The following COL17A1 variants were observed in gnomAD, a reference collection of about 807,000 sequenced individuals.
COL17A1 encodes the protein collagen type XVII alpha 1 chain, also known as collagen alpha-1(XVII) chain.
A neutral mutation model predicts 218.4 loss-of-function variants in COL17A1; 181 were observed. The observed-to-expected ratio is 0.83, with a 90% CI of 0.73 to 0.94. The LOEUF is 0.94. COL17A1 is among the 40% of genes least tolerant of loss of function. The pLI, the probability that COL17A1 is intolerant of heterozygous loss-of-function variation, is 0.00. For missense variants in COL17A1, 1,924 were observed against 1,945.9 expected (o/e 0.99, Z 0.21); for synonymous variants, 721 against 731.0 (o/e 0.99, Z 0.22).
In COL17A1 at chr10:104,031,959, A is replaced by G; in HGVS notation, c.*276T>C. On this transcript the variant is annotated 3_prime_UTR_variant, in exon 56 of 56. Coordinates refer to ENST00000648076, the MANE Select transcript of COL17A1 (RefSeq NM_000494.4). ...GGGCTTGAACTAAGTAAAGAAGCCA[A>G]GGAGTTCAGATCTAGATAGCAGAGA... is the stretch of plus-strand genomic sequence containing the variant. The G allele has an allele frequency of 1.9e-6, 1 of 529,216 alleles. No individual in the cohort carries two copies. Among genetic ancestry groups the G allele is most frequent in the Non-Finnish European group, 3.4e-6 (1 of 294,952 alleles). 32.8% of individuals were successfully genotyped at this position (529,216 alleles called of 1,614,324 possible).
chr10:104,063,813 C>A lies in COL17A1; in HGVS notation c.772G>T (p.Gly258Ter). The part of the protein sequence containing the change: ...TNAYSAGSVF[G>*]VPNNMASCSP... The stretch of plus-strand genomic sequence containing the variant: ...CAGGACGCCATGTTGTTTGGAACTC[C>A]GAAGACTGCAGGGGCAAGGAGGAAG... The change falls in exon 11 of 56, where the codon GGA becomes TGA. Residue 258 changes from glycine to a stop codon, truncating the protein, a stop_gained. Coordinates refer to ENST00000648076, the MANE Select transcript of COL17A1 (RefSeq NM_000494.4). LOFTEE classifies it high-confidence loss of function. The A allele has an allele frequency of 6.2e-7, 1 of 1,614,108 alleles. No homozygotes were observed. The highest frequency in any genetic ancestry group is 8.5e-7 in the Non-Finnish European group (1 of 1,180,000).
In COL17A1 at chr10:104,039,087, A is replaced by G; in HGVS notation, c.2931T>C (p.Pro977=). 2 of 1,614,178 alleles carry G rather than the reference A, an allele frequency of 1.2e-6. No individual in the cohort carries two copies. Among genetic ancestry groups the G allele is most frequent in the Non-Finnish European group, 1.7e-6 (2 of 1,180,008 alleles). The change falls in exon 44 of 56, where the codon CCT becomes CCC. Residue 977 remains proline (P), a synonymous_variant. Coordinates refer to ENST00000648076, the MANE Select transcript of COL17A1 (RefSeq NM_000494.4). ...AGTTCTTACCTTCAGAAGGACCACT[A>G]GGAATGCCAAGAGCCCCTGGAACAC... The part of the protein sequence containing the change: ...DPGVPGALGI[P]SGPSEGGSSS...
At chr10:104,039,766 C>CCACA (rs60283710) in intron 41 of COL17A1, 126 bp from the exon 42 acceptor site, 326 of 972,044 alleles carry the variant, frequency 3.4e-4, no homozygotes, top group African/African-American at 6.5e-4. Context: ...CCTAGAGATG[C>CCACA]CACACACACA....
intron 5 of COL17A1, among the ~76,000 whole-genome samples, chr10:104,075,977 A>G (rs1326485705): frequency 6.6e-6 from 1 of 152,254 alleles, no homozygotes; most frequent in Non-Finnish European, 1.5e-5. Flanking sequence ...TAACTTGTCT[A>G]TTAGACTACA....
At chr10:104,043,640 GA>G (rs961991912) in intron 34 of COL17A1, 59 bp from the exon 35 acceptor site, 27 of 1,590,690 alleles carry the variant, frequency 1.7e-5, no homozygotes, top group Non-Finnish European at 2.2e-5. Context: ...GAGGCGCTGG[GA>G]CCCAAGCCAG....
At chr10:104,061,573 G>A in intron 12 of COL17A1, 100 bp from the exon 13 acceptor site, 1 of 924,668 alleles carries the variant, frequency 1.1e-6, no homozygotes, top group Non-Finnish European at 1.7e-6. Context: ...ACCCTCTCCA[G>A]TGAGAAGCAG....
Position 104,055,871 on chromosome 10 carries a change from G to C in COL17A1, c.1598C>G (p.Ala533Gly). 6.2e-7 allele frequency: 1 copy of C among 1,614,178 alleles called. No individual in the cohort carries two copies. The highest frequency in any genetic ancestry group is 8.5e-7 in the Non-Finnish European group (1 of 1,180,036). ...RLQGMAPAAG[A>G]DLDKIGLHSD... ...GTGCAGCCCAATTTTGTCCAGGTCT[G>C]CTCCCGCCGCGGGTGCCATGCCCTG... is the stretch of plus-strand genomic sequence containing the variant. The change falls in exon 18 of 56, where the codon GCA (alanine) becomes GGA (glycine). Residue 533 changes from alanine (A) to glycine (G), a missense_variant. Physicochemically the swap from Ala to Gly is moderately conservative, Grantham distance 60. Transcript: ENST00000648076.
At chr10:104,063,063 G>C (rs951983621) in intron 11 of COL17A1, among the ~76,000 whole-genome samples, 1 of 152,198 alleles carries the variant, frequency 6.6e-6, no homozygotes, top group South Asian at 2.1e-4. Context: ...TCAACTGGAG[G>C]AAGGTGCTGA....
At chr10:104,036,706 G>A (rs759134466) in intron 47 of COL17A1, 74 bp from the exon 48 acceptor site, 368 of 1,567,720 alleles carry the variant, frequency 2.3e-4, no homozygotes, top group Non-Finnish European at 1.1e-4. Context: ...GCCACAGCCT[G>A]GGCTCCCCTG....
chr10:104,038,310 CTT>C (rs2086322954), intron 45 of COL17A1, 94 bp downstream of exon 45: 1 of 1,555,304 alleles, frequency 6.4e-7, no homozygotes, highest in Non-Finnish European at 8.8e-7. Flanking sequence ...TCCCATGTCT[CTT>C]AGCCTCATTT....
At chr10:104,068,295 A>G (rs200055461) in intron 9 of COL17A1, among the ~76,000 whole-genome samples, 1 of 115,842 alleles carries the variant, frequency 8.6e-6, no homozygotes, top group South Asian at 2.9e-4. Flanking sequence ...TCATAACTGG[A>G]TATCATAGAA....
rs192277294 is a variant in COL17A1 at position 104,045,930 on chromosome 10, C to T, written c.2363-137G>A. On this transcript the variant is annotated intron_variant, in intron 32 of 55. Coordinates refer to ENST00000648076, the MANE Select transcript of COL17A1 (RefSeq NM_000494.4). ...CCTGGGACGCACCAGCTTTGCCTTC[C>T]GCCTTAGTCTAGACAACCCCGGGGA... 453 of 774,816 alleles carry T rather than the reference C, an allele frequency of 5.8e-4. 2 individuals are homozygous for T. Among genetic ancestry groups the T allele is most frequent in the African/African-American group, 5.8e-3 (343 of 58,756 alleles). 48.0% of individuals were successfully genotyped at this position (774,816 alleles called of 1,614,324 possible).
At chr10:104,051,649 G>C in intron 24 of COL17A1, 133 bp from the exon 25 acceptor site, 1 of 1,120,424 alleles carries the variant, frequency 8.9e-7, no homozygotes, top group Non-Finnish European at 1.3e-6. Context: ...TTGCAGGCCA[G>C]GGGTGACCCC....
At position 104,060,122 on chromosome 10, in the gene COL17A1, C is replaced by T. The variant is rs144300178; in HGVS notation, c.1138G>A (p.Ala380Thr). 2.3e-4 allele frequency: 377 copies of T among 1,614,090 alleles called. No individual in the cohort carries two copies. In the African/African-American group the frequency reaches 4.5e-3, roughly 19 times the overall value. ...VFTASPASIA[A>T]TSFSEDTLKK... The stretch of plus-strand genomic sequence containing the variant: ...AGCCACACAGGATCTGACGCACTTG[C>T]AGCGATGCTGGCAGGGGAGGCTGTA... The change falls in exon 14 of 56, where the codon GCA (alanine) becomes ACA (threonine). Residue 380 changes from alanine (A) to threonine (T), a missense_variant. Physicochemically the swap from Ala to Thr is moderately conservative, Grantham distance 58. Coordinates refer to ENST00000648076, the MANE Select transcript of COL17A1 (RefSeq NM_000494.4).
intron 20 of COL17A1, among the ~76,000 whole-genome samples, chr10:104,054,707 C>T (rs1037119772): frequency 6.6e-6 from 1 of 152,166 alleles, no homozygotes; most frequent in South Asian, 2.1e-4. Flanking sequence ...ATGCATACCC[C>T]CTGAGTCAAA....
intron 33 of COL17A1, 67 bp downstream of exon 33, chr10:104,045,691 G>C (rs1172492221): frequency 7.5e-7 from 1 of 1,325,740 alleles, no homozygotes; most frequent in Non-Finnish European, 1.1e-6. Flanking sequence ...GCCTCCTCCT[G>C]TCCATCCCTT....
Position 104,032,703 on chromosome 10 carries a change from C to G in COL17A1, c.4409G>C (p.Arg1470Pro). 2 of 1,614,144 alleles carry G rather than the reference C, an allele frequency of 1.2e-6. No homozygotes were observed. The highest frequency in any genetic ancestry group is 2.2e-5 in the East Asian group (1 of 44,884). Residue 1470 changes from arginine to proline, a missense_variant, in exon 55 of 56, where the codon CGA (arginine) becomes CCA (proline). Arg to Pro is a moderately radical substitution (Grantham distance 103). Transcript: ENST00000648076. ...PPGHPGPPGP[R>P]GHKGEKGDKG... ...GTCTCCTTTTTCTCCCTTGTGTCCT[C>G]GAGGGCCAGGTGGCCCAGGATGACC...
At chr10:104,046,062 G>A (rs1033925262) in intron 32 of COL17A1, among the ~76,000 whole-genome samples, 1 of 152,190 alleles carries the variant, frequency 6.6e-6, no homozygotes, top group Admixed American at 6.5e-5. Flanking sequence ...ATCCCTTGGG[G>A]TTATGAGCCA....
chr10:104,053,507 G>C (rs2086490667), intron 22 of COL17A1, among the ~76,000 whole-genome samples: 1 of 152,020 alleles, frequency 6.6e-6, no homozygotes, highest in Admixed American at 6.5e-5. Context: ...TGGGGCCTGA[G>C]CCTTGGCCTT....
Sources: gnomAD v4.1 joint callset for allele counts (sites outside exome capture counted in the v4.1 genomes callset) on GRCh38, gnomAD v4.1.1 for gene constraint, MANE v1.5 for transcripts, NCBI Gene and HGNC (gene_info 2026-07-23, HGNC 2026-07-21) for gene names.